The following LY6S variants were observed in gnomAD, a reference collection of about 807,000 sequenced individuals.
The protein encoded by LY6S is lymphocyte antigen 6 family member S.
At chr8:143,052,844 G>A in the LY6S span, among the ~76,000 whole-genome samples, 3 of 152,092 alleles carry the variant, frequency 2.0e-5, no homozygotes, top group Admixed American at 6.6e-5. Flanking sequence ...GAATACAAAC[G>A]GTCCCCAAAG....
At chr8:143,065,272 A>G in the LY6S span, among the ~76,000 whole-genome samples, 1 of 152,078 alleles carries the variant, frequency 6.6e-6, no homozygotes, top group Non-Finnish European at 1.5e-5. Context: ...AGGAGACACT[A>G]TGGGGTTTAG....
chr8:143,050,369 C>T, the LY6S span, among the ~76,000 whole-genome samples: 32 of 151,982 alleles, frequency 2.1e-4, no homozygotes, highest in African/African-American at 6.3e-4. Context: ...TTAGTAGACG[C>T]GGGGTTTCAC....
the LY6S span, among the ~76,000 whole-genome samples, chr8:143,069,678 C>T: frequency 6.6e-6 from 1 of 152,208 alleles, no homozygotes; most frequent in Non-Finnish European, 1.5e-5. Flanking sequence ...CATTTGTGAA[C>T]CTTTGCCTTT....
the LY6S span, among the ~76,000 whole-genome samples, chr8:143,043,721 G>A: frequency 1.4e-4 from 22 of 152,058 alleles, no homozygotes; most frequent in Non-Finnish European, 3.2e-4. Flanking sequence ...TGTGGCCCAG[G>A]CTGGAGTGCA....
the LY6S span, among the ~76,000 whole-genome samples, chr8:143,069,777 G>A: frequency 1.3e-5 from 2 of 152,106 alleles, no homozygotes; most frequent in East Asian, 3.9e-4. Flanking sequence ...GCTTTCTACC[G>A]GCCCCTGCTC....
At chr8:143,057,853 G>C in the LY6S span, 5 of 720,362 alleles carry the variant, frequency 6.9e-6, no homozygotes, top group Non-Finnish European at 1.3e-5. Context: ...TGGCCTGACT[G>C]GGGGCCTGTG....
chr8:143,073,944 G>T, the LY6S span, among the ~76,000 whole-genome samples: 2 of 117,700 alleles, frequency 1.7e-5, no homozygotes, highest in African/African-American at 3.1e-5. Context: ...CGTCGTCCCC[G>T]GGGTCCCTGT....
chr8:143,048,093 T>A, the LY6S span: 1 of 152,224 alleles, frequency 6.6e-6, no homozygotes, highest in Non-Finnish European at 1.5e-5. Flanking sequence ...GGATGGAGGT[T>A]CGTCTGCGTC....
chr8:143,068,063 G>T, the LY6S span, among the ~76,000 whole-genome samples: 1 of 152,092 alleles, frequency 6.6e-6, no homozygotes, highest in Admixed American at 6.5e-5. Context: ...GGGATGTAAG[G>T]TCTTTCCTTT....
chr8:143,061,858 G>A, the LY6S span, among the ~76,000 whole-genome samples: 2 of 152,094 alleles, frequency 1.3e-5, no homozygotes, highest in African/African-American at 4.8e-5. Context: ...ATTTCAATAC[G>A]AATCTTTAAG....
the LY6S span, among the ~76,000 whole-genome samples, chr8:143,065,208 T>G: frequency 6.6e-6 from 1 of 152,202 alleles, no homozygotes; most frequent in Non-Finnish European, 1.5e-5. Flanking sequence ...ACAGAAGCCC[T>G]GCTGCTTCCC....
chr8:143,054,812 C>A, the LY6S span, among the ~76,000 whole-genome samples: 8 of 152,152 alleles, frequency 5.3e-5, no homozygotes, highest in Non-Finnish European at 7.3e-5. Context: ...GGGACAGCTA[C>A]GGGAGACAGA....
chr8:143,050,044 CGGTTGTGGGAGAAACGTCTCATCTGGTT>C, the LY6S span, among the ~76,000 whole-genome samples: 4 of 152,104 alleles, frequency 2.6e-5, no homozygotes, highest in Non-Finnish European at 5.9e-5. Flanking sequence ...ACGCCTGGTC[CGGTTGTGGGAGAAACGTCTCATCTGGTT>C]GGCTCCTTTC....
At chr8:143,067,241 C>A in the LY6S span, among the ~76,000 whole-genome samples, 1 of 152,216 alleles carries the variant, frequency 6.6e-6, no homozygotes, top group Admixed American at 6.5e-5. Flanking sequence ...CCATTTTGAT[C>A]TCTACTAAGA....
the LY6S span, among the ~76,000 whole-genome samples, chr8:143,056,679 AT>A: frequency 6.6e-6 from 1 of 152,174 alleles, no homozygotes. Flanking sequence ...CTGATTACAT[AT>A]TTTCCCCAAA....
At chr8:143,047,046 A>G in the LY6S span, among the ~76,000 whole-genome samples, 6 of 152,282 alleles carry the variant, frequency 3.9e-5, 1 homozygote, top group South Asian at 1.2e-3. Context: ...AGTAAGGATG[A>G]TAATAGTGTC....
chr8:143,052,007 C>T, the LY6S span, among the ~76,000 whole-genome samples: 3 of 148,308 alleles, frequency 2.0e-5, no homozygotes, highest in Non-Finnish European at 3.0e-5. Flanking sequence ...AAAAGCCGGG[C>T]GTGGTGGCCC....
the LY6S span, among the ~76,000 whole-genome samples, chr8:143,068,194 T>A: frequency 6.6e-6 from 1 of 152,214 alleles, no homozygotes; most frequent in Non-Finnish European, 1.5e-5. Flanking sequence ...TAATAGAGAA[T>A]GGAGAATGGC....
At chr8:143,056,034 T>C in the LY6S span, among the ~76,000 whole-genome samples, 17 of 151,810 alleles carry the variant, frequency 1.1e-4, no homozygotes, top group East Asian at 1.9e-4. Context: ...GATTGATTGC[T>C]ATTTATGCCA....
Sources: gnomAD v4.1 joint callset for allele counts (sites outside exome capture counted in the v4.1 genomes callset) on GRCh38, gnomAD v4.1.1 for gene constraint, MANE v1.5 for transcripts, NCBI Gene and HGNC (gene_info 2026-07-23, HGNC 2026-07-21) for gene names.